CKB: variants seen among roughly 807,000 people sequenced by gnomAD.
CKB encodes creatine kinase B.
In CKB, 15 loss-of-function variants were observed where a neutral mutation model predicts 36.9. The ratio of observed to expected loss-of-function variants is 0.41; its 90% CI spans 0.27 to 0.63. The LOEUF (loss-of-function observed/expected upper bound fraction) is 0.63, where lower values mean the gene tolerates loss of function less well. CKB is among the 20% of genes least tolerant of loss of function. CKB has a pLI of 0.34. For synonymous variants in CKB, 250 were observed against 228.2 expected (o/e 1.10, Z -0.86); for missense variants, 413 against 534.9 (o/e 0.77, Z 2.25).
intron 4 of CKB, 27 bp from the exon 5 acceptor site, chr14:103,521,461 G>C: frequency 2.0e-6 from 3 of 1,496,812 alleles, no homozygotes; most frequent in Admixed American, 2.2e-5. Context: ...CAGGACGCTC[G>C]GCTCCCGCGC....
Position 103,521,301 on chromosome 14 carries a change from C to T in CKB, c.615G>A (p.Ser205=). The change falls in exon 5 of 8, where the codon TCG becomes TCA. Residue 205 remains serine (S), a synonymous_variant. Coordinates refer to ENST00000348956, the MANE Select transcript of CKB (RefSeq NM_001823.5). ...CGTCGGGCCAGTCGCGGGCCATGCC[C>T]GAGGCCAGCAGCAGGGGCGACACGG... ...DKPVSPLLLA[S]GMARDWPDAR... The T allele has an allele frequency of 6.2e-7, 1 of 1,605,384 alleles. No homozygotes were observed. Among genetic ancestry groups the T allele is most frequent in the Non-Finnish European group, 8.5e-7 (1 of 1,178,106 alleles).
chr14:103,520,242 A>C lies in CKB; in HGVS notation c.847T>G (p.Cys283Gly). The change falls in exon 7 of 8, where the codon TGC (cysteine) becomes GGC (glycine). Residue 283 changes from cysteine to glycine, a missense_variant. Around this residue, in one of 3 missense-constraint regions of CKB, gnomAD observed 314 missense variants for 409.4 expected, o/e 0.77. Coordinates refer to ENST00000348956, the MANE Select transcript of CKB (RefSeq NM_001823.5). Reference protein sequence around the residue: ...WNPHLGYILTCPSNLGTGLRA... With the variant: ...WNPHLGYILTGPSNLGTGLRA... The stretch of plus-strand genomic sequence containing the variant: ...AGCCCGGTGCCCAGGTTGGATGGGC[A>C]GGTGAGGATGTAGCCCAGGTGAGGG... 5 of 1,613,624 alleles carry C rather than the reference A, an allele frequency of 3.1e-6. No homozygotes were observed. The highest frequency in any genetic ancestry group is 4.2e-6 in the Non-Finnish European group (5 of 1,179,972).
In CKB at chr14:103,521,934, T is replaced by C; in HGVS notation, c.365A>G (p.Asp122Gly). The change falls in exon 4 of 8, where the codon GAC becomes GGC. Residue 122 changes from aspartate (D) to glycine (G), a missense_variant. Asp to Gly is a moderately conservative substitution (Grantham distance 94). This residue lies in a region of CKB where 314 missense variants were observed against 409.4 expected (regional missense o/e 0.77). Coordinates refer to ENST00000348956, the MANE Select transcript of CKB (RefSeq NM_001823.5). ...PDNLQGGDDL[D>G]PNYVLSSRVR... ...CCGCGAGCTCAGCACGTAGTTGGGG[T>C]CCAGGTCGTCGCCGCCCTGGGAGGC... 1 of 1,577,944 alleles carries C rather than the reference T, an allele frequency of 6.3e-7. No individual in the cohort carries two copies. The highest frequency in any genetic ancestry group is 8.5e-7 in the Non-Finnish European group (1 of 1,169,690).
rs766912998 is a variant in CKB at position 103,520,162 on chromosome 14, C to G, written c.927G>C (p.Ser309=). 3 of 1,610,132 alleles carry G rather than the reference C, an allele frequency of 1.9e-6. No homozygotes were observed. In the East Asian group the frequency reaches 6.7e-5, roughly 36 times the overall value. ...LPNLGKHEKF[S]EVLKRLRLQK... ...GAAGTCGCAGCCGCTTAAGCACCTC[C>G]GAGAACTTCTCATGCTTGCCCAGGT... The change falls in exon 7 of 8, where the codon TCG becomes TCC. Residue 309 remains serine (S), a synonymous_variant. Coordinates refer to ENST00000348956, the MANE Select transcript of CKB (RefSeq NM_001823.5).
At chr14:103,521,640 C>T in intron 4 of CKB, 178 bp downstream of exon 4, 1 of 961,468 alleles carries the variant, frequency 1.0e-6, no homozygotes, top group Non-Finnish European at 1.4e-6. Context: ...CCCCAGGCCG[C>T]TGTGGGCGCG....
rs202131879 is a variant in CKB, at chr14:103,520,153, A to C, written c.936T>G (p.Leu312=). 3.8e-5 allele frequency: 61 copies of C among 1,607,272 alleles called. No homozygotes were observed. The East Asian group carries it at 1.3e-3, about 33-fold the overall frequency. The part of the protein sequence containing the change: ...LGKHEKFSEV[L]KRLRLQKRGT... ...CTCGCTTCTGAAGTCGCAGCCGCTT[A>C]AGCACCTCCGAGAACTTCTCATGCT... The change falls in exon 7 of 8, where the codon CTT becomes CTG. Residue 312 remains leucine (L), a synonymous_variant. Transcript: ENST00000348956.
At position 103,522,100 on chromosome 14, in the gene CKB, G is replaced by A. The variant is rs1182488004; in HGVS notation, c.271C>T (p.Pro91Ser). 4.4e-6 allele frequency: 7 copies of A among 1,582,840 alleles called. No individual in the cohort carries two copies. The highest frequency in any genetic ancestry group is 1.1e-5 in the South Asian group (1 of 87,322). The part of the protein sequence containing the change: ...SYEVFKDLFD[P>S]IIEDRHGGYK... ...CCGCCGTGCCGGTCCTCGATGATGG[G>A]GTCGAAGAGATCCTTGAACACTTCG... is the stretch of plus-strand genomic sequence containing the variant. The change falls in exon 3 of 8, where the codon CCC becomes TCC. Residue 91 changes from proline to serine, a missense_variant. This residue lies in a region of CKB where 314 missense variants were observed against 409.4 expected (regional missense o/e 0.77). Transcript: ENST00000348956. The surrounding 1 kb of genome is among the most constrained non-coding windows in gnomAD (Gnocchi z 6.7).
rs751578874 is a variant in CKB, at chr14:103,522,262, G to T, written c.193+39C>A. The T allele has an allele frequency of 3.2e-6, 5 of 1,575,706 alleles. No homozygotes were observed. The South Asian group carries it at 5.7e-5, about 18-fold the overall frequency. On this transcript the variant is annotated intron_variant, in intron 2 of 7. Transcript: ENST00000348956. This position sits in a 1 kb window ranked among gnomAD's most constrained non-coding sequence, Gnocchi z 6.7. ...TGAGGACCCTGCGGCTGCGCGGGGGGAGGGGGGGCCGGGACCCCGGCCCCG... is the reference window on the plus strand; with the variant it reads ...TGAGGACCCTGCGGCTGCGCGGGGGTAGGGGGGGCCGGGACCCCGGCCCCG...
At chr14:103,521,004 C>T in intron 5 of CKB, 1 of 606,640 alleles carries the variant, frequency 1.6e-6, no homozygotes, top group Non-Finnish European at 2.9e-6. Flanking sequence ...CCCCACCTCA[C>T]GTCTCGGGGT....
chr14:103,519,880 A>T lies in CKB; in HGVS notation c.1130T>A (p.Met377Lys). Reference sequence around the variant, plus strand: ...GGCCGGGCTTCATTTCTGGGCAGGCATGAGGTCGTCGATGGCCTGGCCCTG... The same window carrying T: ...GGCCGGGCTTCATTTCTGGGCAGGCTTGAGGTCGTCGATGGCCTGGCCCTG... Reference protein sequence around the residue: ...LEQGQAIDDLMPAQK With the variant: ...LEQGQAIDDLKPAQK The change falls in exon 8 of 8, where the codon ATG becomes AAG. Residue 377 changes from methionine (M) to lysine (K), a missense_variant. This residue lies in a region of CKB where 314 missense variants were observed against 409.4 expected (regional missense o/e 0.77). Coordinates refer to ENST00000348956, the MANE Select transcript of CKB (RefSeq NM_001823.5). The T allele has an allele frequency of 6.2e-7, 1 of 1,605,598 alleles. No individual in the cohort carries two copies. Among genetic ancestry groups the T allele is most frequent in the Non-Finnish European group, 8.5e-7 (1 of 1,179,750 alleles).
rs1210337508 is a variant in CKB, at chr14:103,521,098, G to A, written c.653+165C>T. 5.7e-6 allele frequency: 5 copies of A among 881,952 alleles called. No homozygotes were observed. In the African/African-American group the frequency reaches 6.6e-5, roughly 12 times the overall value. 54.6% of individuals were successfully genotyped at this position (881,952 alleles called of 1,614,324 possible). On this transcript the variant is annotated intron_variant, in intron 5 of 7. Coordinates refer to ENST00000348956, the MANE Select transcript of CKB (RefSeq NM_001823.5). ...CTGCTCGGCCAAGGTCACCGGCGCA[G>A]GAGGAGGCGCGGCACGGAACCCAGA...
chr14:103,520,758 C>T, intron 5 of CKB, 166 bp from the exon 6 acceptor site: 1 of 965,320 alleles, frequency 1.0e-6, no homozygotes, highest in Non-Finnish European at 1.5e-6. Flanking sequence ...GGAACCGGGA[C>T]GCCTCACAGC....
intron 5 of CKB, chr14:103,520,874 C>G: frequency 3.9e-6 from 2 of 512,726 alleles, no homozygotes; most frequent in Non-Finnish European, 3.5e-6. Flanking sequence ...GGAGCCCTGC[C>G]CCTGGAGAAG....
chr14:103,521,008 TC>T, intron 5 of CKB: 2 of 609,488 alleles, frequency 3.3e-6, no homozygotes, highest in Middle Eastern at 2.6e-4. Context: ...ACCTCACGTC[TC>T]GGGGTGGGGA....
At chr14:103,521,580 G>C (rs1037503365) in intron 4 of CKB, 146 bp from the exon 5 acceptor site, 21 of 961,886 alleles carry the variant, frequency 2.2e-5, no homozygotes, top group East Asian at 3.3e-5. Flanking sequence ...CTCACGGCCC[G>C]GGCGACGGTC....
Position 103,522,267 on chromosome 14 carries a change from G to C in CKB, c.193+34C>G. On this transcript the variant is annotated intron_variant, in intron 2 of 7. Coordinates refer to ENST00000348956, the MANE Select transcript of CKB (RefSeq NM_001823.5). The surrounding 1 kb of genome is among the most constrained non-coding windows in gnomAD (Gnocchi z 6.7). ...ACCCTGCGGCTGCGCGGGGGGAGGG[G>C]GGGCCGGGACCCCGGCCCCGAGGGG... The C allele has an allele frequency of 6.3e-7, 1 of 1,575,588 alleles. No individual in the cohort carries two copies. Among genetic ancestry groups the C allele is most frequent in the South Asian group, 1.1e-5 (1 of 88,264 alleles).
In CKB at chr14:103,520,032, G is replaced by A; in HGVS notation, c.978C>T (p.Asp326=). The change falls in exon 8 of 8, where the codon GAC becomes GAT. Residue 326 remains aspartate, a synonymous_variant. Coordinates refer to ENST00000348956, the MANE Select transcript of CKB (RefSeq NM_001823.5). ...CGAAGACCCCGCCCACCGCAGCCGT[G>A]TCCACACCGCCTGGGGAGACAGCAA... ...RLQKRGTGGV[D]TAAVGGVFDV... 6.2e-7 allele frequency: 1 copy of A among 1,610,246 alleles called. No homozygotes were observed. The highest frequency in any genetic ancestry group is 8.5e-7 in the Non-Finnish European group (1 of 1,179,838).
At position 103,519,768 on chromosome 14, in the gene CKB, G is replaced by T; in HGVS notation, c.*96C>A. 2 of 1,395,700 alleles carry T rather than the reference G, an allele frequency of 1.4e-6. No homozygotes were observed. The highest frequency in any genetic ancestry group is 2.3e-5 in the East Asian group (1 of 43,460). The allele number at this position is 1,395,700 out of a possible 1,614,324, so 86.5% of individuals were successfully genotyped here. ...CGGAAGTCTCTACAGCAAGGCTAAG[G>T]GCTCGCCAGACGGCGAACATCAGGG... On this transcript the variant is annotated 3_prime_UTR_variant, in exon 8 of 8. Coordinates refer to ENST00000348956, the MANE Select transcript of CKB (RefSeq NM_001823.5).
Position 103,522,580 on chromosome 14 carries a change from G to GCCACACCCCCCCCCCCCCCC in CKB, c.-12-76_-12-75insGGGGGGGGGGGGGGGTGTGG. The GCCACACCCCCCCCCCCCCCC allele has an allele frequency of 2.4e-6, 1 of 408,734 alleles. No individual in the cohort carries two copies. Among genetic ancestry groups the GCCACACCCCCCCCCCCCCCC allele is most frequent in the Non-Finnish European group, 3.7e-6 (1 of 271,300 alleles). The allele number at this position is 408,734 out of a possible 1,614,324, so 25.3% of individuals were successfully genotyped here. ...GCTCCCGCGTACCACTCAGGCCCCC[G>GCCACACCCCCCCCCCCCCCC]CCGCCGGGCCCCCCGGCGCCCCCCG... is the stretch of plus-strand genomic sequence containing the variant. On this transcript the variant is annotated intron_variant, in intron 1 of 7. Transcript: ENST00000348956. The surrounding 1 kb of genome is among the most constrained non-coding windows in gnomAD (Gnocchi z 6.7).
Sources: gnomAD v4.1 joint callset for allele counts on GRCh38, gnomAD v4.1.1 for gene constraint, gnomAD v4.1.1 regional missense constraint, Gnocchi (gnomAD v3.1) non-coding constraint, MANE v1.5 for transcripts, NCBI Gene and HGNC (gene_info 2026-07-23, HGNC 2026-07-21) for gene names.